The following BTN3A2 variants were observed in gnomAD, a reference collection of about 807,000 sequenced individuals.
BTN3A2 encodes the protein butyrophilin protein.
Under a neutral mutation model 37.6 loss-of-function variants are expected in BTN3A2, and 25 were observed. That is an observed-to-expected ratio of 0.66 (90% CI 0.48 to 0.93). The LOEUF is 0.93. Among genes scored for constraint, BTN3A2 ranks in the 40% least tolerant of loss-of-function variants. The pLI is 0.00. For missense variants in BTN3A2, 266 were observed against 410.9 expected (o/e 0.65, Z 3.05); for synonymous variants, 122 against 159.4 (o/e 0.77, Z 1.77).
chr6:26,370,546 T>C lies in BTN3A2; in HGVS notation c.658T>C (p.Cys220Arg). Residue 220 changes from cysteine (C) to arginine (R), a missense_variant, in exon 5 of 11, where the codon TGC becomes CGC. Around this residue, in one of 3 missense-constraint regions of BTN3A2, gnomAD observed 204 missense variants for 232.6 expected, o/e 0.88. Transcript: ENST00000377708. ...MRGGSGEGVS[C>R]IIRNSLLGLE... ...AGGCGGCTCCGGGGAGGGTGTATCC[T>C]GCATCATCAGAAATTCCCTCCTCGG... 1 of 1,614,220 alleles carries C rather than the reference T, an allele frequency of 6.2e-7. No homozygotes were observed.
At position 26,368,230 on chromosome 6, in the gene BTN3A2, C is replaced by T; in HGVS notation, c.48C>T (p.Val16=). 1 of 1,614,238 alleles carries T rather than the reference C, an allele frequency of 6.2e-7. No individual in the cohort carries two copies. Among genetic ancestry groups the T allele is most frequent in the South Asian group, 1.1e-5 (1 of 91,090 alleles). The stretch of plus-strand genomic sequence containing the variant: ...CTTTCCTTCTGCTCAACTTTCATGT[C>T]TCCCTCCTCTTGGTCCAGCTGCTCA... ...SLAFLLLNFH[V]SLLLVQLLTP... Residue 16 remains valine (V), a synonymous_variant, in exon 3 of 11, where the codon GTC becomes GTT. Transcript: ENST00000377708.
chr6:26,367,217 C>A (rs9688946), intron 1 of BTN3A2, among the ~76,000 whole-genome samples: 57,276 of 152,020 alleles, frequency 0.38, 11,102 homozygotes, highest in African/African-American at 0.42. Context: ...GAATTTCCTC[C>A]TAGGGATGAG....
intron 8 of BTN3A2, 28 bp downstream of exon 8, chr6:26,373,441 T>C: frequency 6.3e-7 from 1 of 1,597,268 alleles, no homozygotes; most frequent in Non-Finnish European, 8.5e-7. Context: ...TTTCTCTGAA[T>C]TCAAATCTGT....
In BTN3A2 at chr6:26,370,486, G is replaced by T; in HGVS notation, c.598G>T (p.Gly200Cys). Residue 200 changes from glycine (G) to cysteine (C), a missense_variant, in exon 5 of 11, where the codon GGC (glycine) becomes TGC (cysteine). Gly to Cys is a radical substitution (Grantham distance 159). This residue lies in a region of BTN3A2 where 204 missense variants were observed against 232.6 expected (regional missense o/e 0.88). Coordinates refer to ENST00000377708, the MANE Select transcript of BTN3A2 (RefSeq NM_007047.5). ...VEAPVVADGV[G>C]LYEVAASVIM... is the part of the protein sequence containing the mutation. Reference sequence around the variant, plus strand: ...AGCACCTGTGGTTGCAGATGGAGTGGGCCTATATGAAGTAGCAGCATCTGT... The same window carrying T: ...AGCACCTGTGGTTGCAGATGGAGTGTGCCTATATGAAGTAGCAGCATCTGT... The T allele has an allele frequency of 2.5e-6, 4 of 1,614,144 alleles. No individual in the cohort carries two copies. The highest frequency in any genetic ancestry group is 3.4e-6 in the Non-Finnish European group (4 of 1,180,022).
At position 26,376,714 on chromosome 6, in the gene BTN3A2, G is replaced by A; in HGVS notation, c.*952G>A. 2 of 1,576,990 alleles carry A rather than the reference G, an allele frequency of 1.3e-6. No homozygotes were observed. Among genetic ancestry groups the A allele is most frequent in the Non-Finnish European group, 1.7e-6 (2 of 1,146,950 alleles). The stretch of plus-strand genomic sequence containing the variant: ...GAATGGCGTTACTGTGTGCTTGGCT[G>A]TGAAAGCTTCATGTCAGAGAGACAC... On this transcript the variant is annotated 3_prime_UTR_variant, in exon 11 of 11. Coordinates refer to ENST00000377708, the MANE Select transcript of BTN3A2 (RefSeq NM_007047.5).
rs112984099 is a variant in BTN3A2, at chr6:26,366,985, C to T, written c.-66-1005C>T. ...TTTAAAAGTAAAGGAAGCAAAAGGC[C>T]AAAGCGTCCTTTCACTCACTTAACC... On this transcript the variant is annotated intron_variant, in intron 1 of 10. Transcript: ENST00000377708. 3.1e-3 allele frequency among the ~76,000 whole-genome samples: 468 copies of T among 152,214 alleles called. 2 individuals are homozygous for T. Among genetic ancestry groups the T allele is most frequent in the Non-Finnish European group, 5.0e-3 (340 of 68,010 alleles).
At chr6:26,367,189 CT>C (rs1236374467) in intron 1 of BTN3A2, among the ~76,000 whole-genome samples, 1 of 152,200 alleles carries the variant, frequency 6.6e-6, no homozygotes, top group Admixed American at 6.5e-5. Flanking sequence ...TTAAATCACT[CT>C]TTTTAACTGC....
rs951697658 is a variant in BTN3A2, at chr6:26,377,355, C to T, written c.*1593C>T. 2.0e-5 allele frequency: 12 copies of T among 600,870 alleles called. 1 individual carries two copies. The highest frequency in any genetic ancestry group is 1.8e-4 in the South Asian group (10 of 55,798). 37.2% of individuals were successfully genotyped at this position (600,870 alleles called of 1,614,324 possible). ...GGACAGTTGTTTGAGTTTGGTGCCA[C>T]CTTATTGGCCCCTTTATACAGATAA... On this transcript the variant is annotated 3_prime_UTR_variant, in exon 11 of 11. Coordinates refer to ENST00000377708, the MANE Select transcript of BTN3A2 (RefSeq NM_007047.5).
rs1977 is a variant in BTN3A2, at chr6:26,377,318, A to C, written c.*1556A>C. ...TGAAGCACTTTACTGATATTCATTC[A>C]ATTATTCCATAGGACAGTTGTTTGA... On this transcript the variant is annotated 3_prime_UTR_variant, in exon 11 of 11. Transcript: ENST00000377708. 12 of 697,392 alleles carry C rather than the reference A, an allele frequency of 1.7e-5. No individual in the cohort carries two copies. The East Asian group carries it at 2.5e-4, about 15-fold the overall frequency. The allele number at this position is 697,392 out of a possible 1,614,324, so 43.2% of individuals were successfully genotyped here. A position where few individuals can be genotyped will look rare whatever the true frequency, so the allele number is the denominator to read the frequency against.
Position 26,374,772 on chromosome 6 carries a change from A to G in BTN3A2, c.*8A>G, listed in dbSNP as rs1372093590. ...TTATCTGTGTCTCCTTCCTTTCAGA[A>G]TGGAAAAATGGCCCTCTTCAAGCCT... On this transcript the variant is annotated splice_region_variant and 3_prime_UTR_variant, in exon 10 of 11. Coordinates refer to ENST00000377708, the MANE Select transcript of BTN3A2 (RefSeq NM_007047.5). The G allele has an allele frequency of 6.5e-7, 1 of 1,533,124 alleles. No individual in the cohort carries two copies. The highest frequency in any genetic ancestry group is 9.0e-7 in the Non-Finnish European group (1 of 1,108,436). 95.0% of individuals were successfully genotyped at this position (1,533,124 alleles called of 1,614,324 possible).
At chr6:26,366,098 A>G (rs192285486) in intron 1 of BTN3A2, among the ~76,000 whole-genome samples, 2 of 152,128 alleles carry the variant, frequency 1.3e-5, no homozygotes, top group Admixed American at 1.3e-4. Flanking sequence ...AAGCTACTAC[A>G]TTGTATGAAT....
rs1448782066 is a variant in BTN3A2, at chr6:26,365,336, A to G, written c.-83A>G. 6.5e-7 allele frequency: 1 copy of G among 1,536,058 alleles called. No individual in the cohort carries two copies. Among genetic ancestry groups the G allele is most frequent in the Non-Finnish European group, 8.7e-7 (1 of 1,146,810 alleles). On this transcript the variant is annotated 5_prime_UTR_variant, in exon 1 of 11. Coordinates refer to ENST00000377708, the MANE Select transcript of BTN3A2 (RefSeq NM_007047.5). ...TTTATTCTGTGGGCTCTGATTCTCC[A>G]ATGGGAATACCAAGGGGTAAGTGCA...
At position 26,376,513 on chromosome 6, in the gene BTN3A2, T is replaced by A. The variant is rs548594777; in HGVS notation, c.*751T>A. 1,200 of 1,293,608 alleles carry A rather than the reference T, an allele frequency of 9.3e-4. 13 individuals carry two copies. Among genetic ancestry groups the A allele is most frequent in the Admixed American group, 1.5e-3 (60 of 39,160 alleles). The allele number at this position is 1,293,608 out of a possible 1,614,324, so 80.1% of individuals were successfully genotyped here. On this transcript the variant is annotated 3_prime_UTR_variant, in exon 11 of 11. Transcript: ENST00000377708. ...AGCATGGCCCAAGCCTTGCATGCTGTGGCTCTTAAATCCAGGAAAAATGGC... is the reference window on the plus strand; with the variant it reads ...AGCATGGCCCAAGCCTTGCATGCTGAGGCTCTTAAATCCAGGAAAAATGGC...
rs547225553 is a variant in BTN3A2 at position 26,368,193 on chromosome 6, C to T, written c.11C>T (p.Ala4Val). 1.2e-6 allele frequency: 2 copies of T among 1,614,188 alleles called. No individual in the cohort carries two copies. Among genetic ancestry groups the T allele is most frequent in the African/African-American group, 1.3e-5 (1 of 75,052 alleles). Residue 4 changes from alanine (A) to valine (V), a missense_variant, in exon 3 of 11, where the codon GCA (alanine) becomes GTA (valine). Physicochemically the swap from Ala to Val is moderately conservative, Grantham distance 64. This residue lies in a region of BTN3A2 where 47 missense variants were observed against 77.3 expected (regional missense o/e 0.61). Coordinates refer to ENST00000377708, the MANE Select transcript of BTN3A2 (RefSeq NM_007047.5). ...TGATATGCAGCATAGATGAAAATGGCAAGTTCCCTGGCTTTCCTTCTGCTC... is the reference window on the plus strand; with the variant it reads ...TGATATGCAGCATAGATGAAAATGGTAAGTTCCCTGGCTTTCCTTCTGCTC... MKM[A>V]SSLAFLLLNF...
At chr6:26,373,582 T>G in intron 8 of BTN3A2, 169 bp downstream of exon 8, 2 of 265,344 alleles carry the variant, frequency 7.5e-6, no homozygotes, top group East Asian at 6.5e-5. Context: ...GTGCTTTTTC[T>G]CTCTAGAAAA....
In BTN3A2 at chr6:26,377,798, A is replaced by C; in HGVS notation, c.*2036A>C. 1 of 156,692 alleles carries C rather than the reference A, an allele frequency of 6.4e-6. No individual in the cohort carries two copies. The highest frequency in any genetic ancestry group is 1.4e-5 in the Non-Finnish European group (1 of 70,642). The allele number at this position is 156,692 out of a possible 1,614,324, so 9.7% of individuals were successfully genotyped here. A position where few individuals can be genotyped will look rare whatever the true frequency, so the allele number is the denominator to read the frequency against. ...GGTTGTGGAGTTAAGACCCCTATGGACTCCTTCCCAGCTGATTATCAGAGC... is the reference window on the plus strand; with the variant it reads ...GGTTGTGGAGTTAAGACCCCTATGGCCTCCTTCCCAGCTGATTATCAGAGC... On this transcript the variant is annotated 3_prime_UTR_variant, in exon 11 of 11. Transcript: ENST00000377708.
chr6:26,373,390 G>C lies in BTN3A2; in HGVS notation c.941G>C (p.Arg314Thr). Residue 314 changes from arginine to threonine, a missense_variant, in exon 8 of 11, where the codon AGG (arginine) becomes ACG (threonine). By Grantham distance (71) the Arg-to-Thr change is moderately conservative (BLOSUM62 -1). This residue lies in a region of BTN3A2 where 204 missense variants were observed against 232.6 expected (regional missense o/e 0.88). Coordinates refer to ENST00000377708, the MANE Select transcript of BTN3A2 (RefSeq NM_007047.5). The stretch of plus-strand genomic sequence containing the variant: ...TTCCCTGTTCATTCCATTGCAGAGA[G>C]GAAAAAAATCCAGTACTTGACTCGT... Reference protein sequence around the residue: ...LRESLQEELKRKKIQYLTRGE... With the variant: ...LRESLQEELKTKKIQYLTRGE... 1 of 1,598,704 alleles carries C rather than the reference G, an allele frequency of 6.3e-7. No individual in the cohort carries two copies. Among genetic ancestry groups the C allele is most frequent in the Non-Finnish European group, 8.5e-7 (1 of 1,175,586 alleles).
intron 5 of BTN3A2, among the ~76,000 whole-genome samples, chr6:26,370,862 C>T (rs1044047407): frequency 5.9e-5 from 9 of 152,108 alleles, no homozygotes; most frequent in Non-Finnish European, 7.4e-5. Flanking sequence ...TTAAGATAAG[C>T]TCCTTATATA....
At chr6:26,370,872 A>G (rs1442545681) in intron 5 of BTN3A2, among the ~76,000 whole-genome samples, 1 of 152,260 alleles carries the variant, frequency 6.6e-6, no homozygotes, top group East Asian at 1.9e-4. Flanking sequence ...CTCCTTATAT[A>G]ATGTGAAATG....
Sources: gnomAD v4.1 joint callset for allele counts (sites outside exome capture counted in the v4.1 genomes callset) on GRCh38, gnomAD v4.1.1 for gene constraint, gnomAD v4.1.1 regional missense constraint, MANE v1.5 for transcripts, NCBI Gene and HGNC (gene_info 2026-07-23, HGNC 2026-07-21) for gene names.